The following HECTD4 variants were observed in gnomAD, a reference collection of about 807,000 sequenced individuals.
The protein encoded by HECTD4 is probable E3 ubiquitin-protein ligase HECTD4.
HECTD4 carries 114 observed loss-of-function variants against 471.5 expected under a neutral mutation model. The ratio of observed to expected loss-of-function variants is 0.24; its 90% CI spans 0.21 to 0.28. HECTD4 has a LOEUF of 0.28. Ranked by LOEUF, HECTD4 falls within the 10% of genes least tolerant of loss-of-function variation. The pLI is 1.00. For missense variants in HECTD4, 3,866 were observed against 5,651.5 expected (o/e 0.68, Z 10.13); for synonymous variants, 2,012 against 2,256.0 (o/e 0.89, Z 3.07).
rs546107810 is a variant in HECTD4 at position 112,174,723 on chromosome 12, C to T, written c.11594+1013G>A. Among the ~76,000 whole-genome samples, 12 of 152,162 alleles carry T rather than the reference C, an allele frequency of 7.9e-5. No individual in the cohort carries two copies. The East Asian group carries it at 2.3e-3, about 29-fold the overall frequency. ...GGGATTATAGGCATGTGCCCCATGC[C>T]CGGCTAATTTTTGTATTTTTAGTAG... On this transcript the variant is annotated intron_variant, in intron 66 of 75. Coordinates refer to ENST00000682272, the MANE Select transcript of HECTD4 (RefSeq NM_001388303.1).
At position 112,302,551 on chromosome 12, in the gene HECTD4, C is replaced by T. The variant is rs139176690; in HGVS notation, c.1335+3513G>A. 725 of 708,468 alleles carry T rather than the reference C, an allele frequency of 1.0e-3. 2 individuals carry two copies. Among genetic ancestry groups the T allele is most frequent in the African/African-American group, 7.2e-3 (411 of 57,312 alleles). 43.9% of individuals were successfully genotyped at this position (708,468 alleles called of 1,614,324 possible). A position where few individuals can be genotyped will look rare whatever the true frequency, so the allele number is the denominator to read the frequency against. ...TTTGGGCTGGATGTCCTGTCCAATA[C>T]CAAAATTCTTACGCCTTTTCTCAAA... On this transcript the variant is annotated intron_variant, in intron 7 of 75. Coordinates refer to ENST00000682272, the MANE Select transcript of HECTD4 (RefSeq NM_001388303.1).
chr12:112,167,435 A>T lies in HECTD4; in HGVS notation c.12416T>A (p.Leu4139Gln). Residue 4139 changes from leucine (L) to glutamine (Q), a missense_variant, in exon 72 of 76, where the codon CTG (leucine) becomes CAG (glutamine). By Grantham distance (113) the Leu-to-Gln change is moderately radical. Transcript: ENST00000682272. ...LGIAIRADVP[L>Q]PLDLLPSFWK... ...GAAGGAGGGCAGGAGGTCCAGGGGCAGCGGGACGTCTGCCCGAATTGCAAT... is the reference window on the plus strand; with the variant it reads ...GAAGGAGGGCAGGAGGTCCAGGGGCTGCGGGACGTCTGCCCGAATTGCAAT... 1 of 1,613,700 alleles carries T rather than the reference A, an allele frequency of 6.2e-7. No homozygotes were observed. Among genetic ancestry groups the T allele is most frequent in the Non-Finnish European group, 8.5e-7 (1 of 1,179,790 alleles).
chr12:112,279,937 A>G (rs1242867999), intron 8 of HECTD4, among the ~76,000 whole-genome samples: 1 of 152,168 alleles, frequency 6.6e-6, no homozygotes, highest in Non-Finnish European at 1.5e-5. Context: ...ATTACATCTG[A>G]GATTAGTGAG....
intron 55 of HECTD4, among the ~76,000 whole-genome samples, chr12:112,199,209 G>A (rs1280890459): frequency 6.6e-6 from 1 of 152,174 alleles, no homozygotes; most frequent in Non-Finnish European, 1.5e-5. Flanking sequence ...CGACTGTGAG[G>A]ACCCCTGTTG....
At chr12:112,347,577 A>G (rs1478182133) in intron 1 of HECTD4, among the ~76,000 whole-genome samples, 2 of 152,222 alleles carry the variant, frequency 1.3e-5, no homozygotes, top group Admixed American at 6.5e-5. Flanking sequence ...CAATTGAAAT[A>G]CAAAGCCAGG....
intron 11 of HECTD4, 21 bp from the exon 12 acceptor site, chr12:112,270,480 T>C (rs375103933): frequency 6.3e-7 from 1 of 1,594,592 alleles, no homozygotes; most frequent in East Asian, 2.2e-5. Context: ...AAAAGGAAAC[T>C]GAGTGAGGAA....
At chr12:112,336,359 T>G (rs1447263434) in intron 1 of HECTD4, among the ~76,000 whole-genome samples, 2 of 151,912 alleles carry the variant, frequency 1.3e-5, no homozygotes, top group Non-Finnish European at 2.9e-5. Flanking sequence ...CTGTCTCTAC[T>G]AAAAATACAA....
intron 55 of HECTD4, among the ~76,000 whole-genome samples, chr12:112,196,916 C>T (rs923756393): frequency 6.6e-6 from 1 of 152,146 alleles, no homozygotes. Context: ...CTGCCTTGGC[C>T]TCCCAAGTAG....
intron 7 of HECTD4, among the ~76,000 whole-genome samples, chr12:112,300,674 T>C (rs561650631): frequency 6.6e-6 from 1 of 152,296 alleles, no homozygotes; most frequent in Non-Finnish European, 1.5e-5. Flanking sequence ...CACAGCTCAC[T>C]GCAGTCTTGA....
intron 1 of HECTD4, among the ~76,000 whole-genome samples, chr12:112,366,496 A>T (rs904954132): frequency 6.6e-6 from 1 of 152,080 alleles, no homozygotes; most frequent in Admixed American, 6.6e-5. Context: ...CTCAGCCTGG[A>T]CAACAAAGTG....
chr12:112,269,518 A>T (rs2034369311), intron 13 of HECTD4, among the ~76,000 whole-genome samples, 186 bp downstream of exon 13: 1 of 152,192 alleles, frequency 6.6e-6, no homozygotes, highest in Admixed American at 6.5e-5. Flanking sequence ...GCAGGTACAC[A>T]GTTGGCTTTG....
At chr12:112,240,679 G>A (rs2033621521) in intron 32 of HECTD4, among the ~76,000 whole-genome samples, 1 of 151,992 alleles carries the variant, frequency 6.6e-6, no homozygotes, top group Non-Finnish European at 1.5e-5. Flanking sequence ...TCAATCTCCT[G>A]AGCTCAAGTA....
At chr12:112,211,531 G>GAA (rs550197035) in intron 49 of HECTD4, among the ~76,000 whole-genome samples, 1 of 140,164 alleles carries the variant, frequency 7.1e-6, no homozygotes, top group African/African-American at 2.6e-5. Context: ...CCTGAAGGGG[G>GAA]AAAAAAAAAA....
intron 1 of HECTD4, among the ~76,000 whole-genome samples, chr12:112,341,691 C>T (rs1038317137): frequency 3.9e-5 from 6 of 152,060 alleles, no homozygotes; most frequent in South Asian, 4.2e-4. Flanking sequence ...AAAAACTAAC[C>T]GACTAGCTAA....
chr12:112,228,704 C>A lies in HECTD4; in HGVS notation c.6627G>T (p.Ser2209=). ...RFPPIDCRKT[S]QASDTLTIPL... ...GAATAGTCAATGTGTCTGACGCTTGCGAAGTCTTTCTACAGTCTATGGGTG... is the reference window on the plus strand; with the variant it reads ...GAATAGTCAATGTGTCTGACGCTTGAGAAGTCTTTCTACAGTCTATGGGTG... The change falls in exon 42 of 76, where the codon TCG becomes TCT. Residue 2209 remains serine, a synonymous_variant. Transcript: ENST00000682272. This position sits in a 1 kb window ranked among gnomAD's most constrained non-coding sequence, Gnocchi z 4.9. The A allele has an allele frequency of 1.2e-6, 2 of 1,613,500 alleles. No homozygotes were observed. The highest frequency in any genetic ancestry group is 1.7e-6 in the Non-Finnish European group (2 of 1,179,776).
chr12:112,217,330 CACACAT>C (rs2032950384), intron 45 of HECTD4, 135 bp from the exon 46 acceptor site: 1 of 498,234 alleles, frequency 2.0e-6, no homozygotes, highest in Non-Finnish European at 3.4e-6. Flanking sequence ...CACACACACA[CACACAT>C]ACACACACAC....
At chr12:112,348,621 A>G (rs998385382) in intron 1 of HECTD4, among the ~76,000 whole-genome samples, 1 of 152,112 alleles carries the variant, frequency 6.6e-6, no homozygotes, top group East Asian at 1.9e-4. Flanking sequence ...TGAGCTGGAC[A>G]CAGTGGTGTG....
chr12:112,193,751 G>T lies in HECTD4; in HGVS notation c.8750-77C>A, dbSNP rs2032155384. The T allele has an allele frequency of 1.5e-6, 2 of 1,330,736 alleles. No individual in the cohort carries two copies. The highest frequency in any genetic ancestry group is 2.1e-6 in the Non-Finnish European group (2 of 948,936). The allele number at this position is 1,330,736 out of a possible 1,614,324, so 82.4% of individuals were successfully genotyped here. A position where few individuals can be genotyped will look rare whatever the true frequency, so the allele number is the denominator to read the frequency against. ...TGTGAGAGTCTAAGTAACAGAAAAT[G>T]AATAACCCATCCAGAAACCCCAGAT... On this transcript the variant is annotated intron_variant, in intron 56 of 75. Transcript: ENST00000682272. This position sits in a 1 kb window ranked among gnomAD's most constrained non-coding sequence, Gnocchi z 5.2.
chr12:112,285,022 G>A (rs922195298), intron 7 of HECTD4, among the ~76,000 whole-genome samples: 3 of 152,074 alleles, frequency 2.0e-5, no homozygotes, highest in African/African-American at 7.2e-5. Context: ...ATTTTTTGTA[G>A]AGACAGGGTT....
Sources: allele counts gnomAD v4.1 joint callset (sites outside exome capture counted in the v4.1 genomes callset), GRCh38; gene constraint gnomAD v4.1.1; non-coding constraint Gnocchi (gnomAD v3.1); transcripts MANE v1.5; gene names NCBI Gene and HGNC (gene_info 2026-07-23, HGNC 2026-07-21).